The following RIMS2 variants were observed in gnomAD, a reference collection of about 807,000 sequenced individuals.
RIMS2 encodes the protein regulating synaptic membrane exocytosis 2.
A neutral mutation model predicts 174.4 loss-of-function variants in RIMS2; 59 were observed. The observed-to-expected ratio is 0.34, with a 90% CI of 0.27 to 0.42. The LOEUF is 0.42. Ranked by LOEUF, RIMS2 falls within the 10% of genes least tolerant of loss-of-function variation. The pLI, the probability that RIMS2 is intolerant of heterozygous loss-of-function variation, is 1.00. For missense variants in RIMS2, 1,620 were observed against 1,666.3 expected, an observed-to-expected ratio of 0.97 and a Z score of 0.48; for synonymous variants, 606 against 572.5, an observed-to-expected ratio of 1.06 and a Z score of -0.84.
intron 1 of RIMS2, among the ~76,000 whole-genome samples, chr8:103,626,655 G>C (rs2095793952): frequency 6.6e-6 from 1 of 152,078 alleles, no homozygotes; most frequent in African/African-American, 2.4e-5. Context: ...TTTCCACGTA[G>C]GTTCTTTCTA....
intron 19 of RIMS2, among the ~76,000 whole-genome samples, chr8:104,164,242 T>G (rs1307349215): frequency 2.0e-5 from 3 of 152,156 alleles, no homozygotes; most frequent in African/African-American, 7.2e-5. Context: ...TTGCCATCAG[T>G]CAGAATTCCT....
chr8:103,938,642 A>C (rs1299181016), intron 13 of RIMS2, among the ~76,000 whole-genome samples: 1 of 152,210 alleles, frequency 6.6e-6, no homozygotes, highest in East Asian at 1.9e-4. Context: ...GTCTTAACTC[A>C]GAATTAACTC....
intron 2 of RIMS2, among the ~76,000 whole-genome samples, chr8:103,708,452 G>T (rs2097260974): frequency 6.6e-6 from 1 of 152,058 alleles, no homozygotes; most frequent in African/African-American, 2.4e-5. Context: ...ATCTTTTCTT[G>T]TTATTACGCT....
At chr8:104,251,103 G>A (rs1167073131) in exon 23 of RIMS2, 1 of 1,613,574 alleles carries the variant, frequency 6.2e-7, no homozygotes, top group Admixed American at 1.7e-5. Flanking sequence ...GAAAAACGCT[G>A]GAACCCCTTT....
At chr8:104,196,026 T>G (rs901706088) in intron 19 of RIMS2, among the ~76,000 whole-genome samples, 2 of 152,192 alleles carry the variant, frequency 1.3e-5, no homozygotes, top group Non-Finnish European at 2.9e-5. Context: ...ATCAAAGACC[T>G]AATATGACTA....
chr8:103,709,545 G>A (rs1008526397), intron 2 of RIMS2, among the ~76,000 whole-genome samples: 4 of 152,138 alleles, frequency 2.6e-5, no homozygotes, highest in Non-Finnish European at 5.9e-5. Context: ...GCAATGCTCA[G>A]TTTAGCACTA....
intron 19 of RIMS2, among the ~76,000 whole-genome samples, chr8:104,243,912 C>T (rs2099316661): frequency 1.3e-5 from 2 of 152,088 alleles, no homozygotes; most frequent in African/African-American, 4.8e-5. Flanking sequence ...TTTGTGGAAC[C>T]CACTCCCCCA....
At chr8:103,991,368 T>C (rs1433347017) in intron 17 of RIMS2, among the ~76,000 whole-genome samples, 1 of 151,668 alleles carries the variant, frequency 6.6e-6, no homozygotes, top group African/African-American at 2.4e-5. Context: ...TCTAATATTA[T>C]TTATCTGTGT....
chr8:103,896,783 A>G (rs2099280432), intron 4 of RIMS2, among the ~76,000 whole-genome samples: 1 of 151,582 alleles, frequency 6.6e-6, no homozygotes, highest in East Asian at 1.9e-4. Context: ...GAACCAGTGC[A>G]CCTACTTTTG....
chr8:103,603,946 G>T (rs1293896196), intron 1 of RIMS2, among the ~76,000 whole-genome samples: 25 of 144,784 alleles, frequency 1.7e-4, no homozygotes, highest in African/African-American at 6.3e-4. Flanking sequence ...CATTTTGTAG[G>T]TTGCCTGTTC....
rs71575976 is a variant in RIMS2 at position 103,623,478 on chromosome 8, G to GTTTTTTTTT, written c.177-73592_177-73584dup. On this transcript the variant is annotated intron_variant, in intron 1 of 23. Transcript: ENST00000504942. ...TAAAAATTAAACTAGGGTTTCTTCA[G>GTTTTTTTTT]TTTTTTTTTTTTTTTTTTTTTTTTG... Among the ~76,000 whole-genome samples, 16 of 83,230 alleles carry GTTTTTTTTT rather than the reference G, an allele frequency of 1.9e-4. 2 individuals carry two copies. The highest frequency in any genetic ancestry group is 2.9e-4 in the African/African-American group (6 of 20,922). The allele number at this position is 83,230 out of a possible 152,430, so 54.6% of individuals were successfully genotyped here.
intron 3 of RIMS2, among the ~76,000 whole-genome samples, chr8:103,826,180 GT>G (rs1395090019): frequency 6.6e-6 from 1 of 152,036 alleles, no homozygotes; most frequent in Non-Finnish European, 1.5e-5. Context: ...TGGTTTGCCT[GT>G]TTATTTTCTT....
chr8:104,137,768 G>C (rs2511632), intron 19 of RIMS2, among the ~76,000 whole-genome samples: 32,055 of 152,028 alleles, frequency 0.21, 3,857 homozygotes, highest in East Asian at 0.57. Flanking sequence ...AGAAAAAAAT[G>C]ATTCACCATT....
At chr8:103,818,618 G>C (rs531962596) in intron 3 of RIMS2, among the ~76,000 whole-genome samples, 3 of 152,242 alleles carry the variant, frequency 2.0e-5, no homozygotes, top group Admixed American at 2.0e-4. Context: ...GATTTGGAGG[G>C]AAGTTTTAAT....
chr8:103,580,641 A>T (rs1205325612), intron 1 of RIMS2, among the ~76,000 whole-genome samples: 1 of 152,138 alleles, frequency 6.6e-6, no homozygotes, highest in East Asian at 1.9e-4. Context: ...AGATTTAACC[A>T]TGAAGAAATA....
At chr8:104,044,528 C>CAA (rs34056405) in intron 19 of RIMS2, among the ~76,000 whole-genome samples, 25,342 of 129,520 alleles carry the variant, frequency 0.2, 2,366 homozygotes, top group South Asian at 0.36. Flanking sequence ...ACTTTTCTTA[C>CAA]AAAAAAAAAA....
At chr8:104,000,174 C>T (rs1274440900) in intron 17 of RIMS2, among the ~76,000 whole-genome samples, 2 of 151,312 alleles carry the variant, frequency 1.3e-5, no homozygotes, top group African/African-American at 4.8e-5. Context: ...ATATTTTGTA[C>T]CCATTAACCA....
intron 1 of RIMS2, among the ~76,000 whole-genome samples, chr8:103,607,619 C>G (rs1158121317): frequency 4.9e-5 from 7 of 143,284 alleles, no homozygotes; most frequent in African/African-American, 1.6e-4. Context: ...TCCATTCTCC[C>G]CATCACTTTC....
intron 3 of RIMS2, among the ~76,000 whole-genome samples, chr8:103,814,864 A>G (rs1246346403): frequency 6.6e-6 from 1 of 152,178 alleles, no homozygotes. Flanking sequence ...ATCTATATCT[A>G]TACTGATATA....
Sources: allele counts gnomAD v4.1 joint callset (sites outside exome capture counted in the v4.1 genomes callset), GRCh38; gene constraint gnomAD v4.1.1; transcripts MANE v1.5; gene names NCBI Gene and HGNC (gene_info 2026-07-23, HGNC 2026-07-21).